BICD1: variants seen among roughly 807,000 people sequenced by gnomAD.
BICD1 encodes protein bicaudal D homolog 1.
A neutral mutation model predicts 92.5 loss-of-function variants in BICD1; 35 were observed. The ratio of observed to expected loss-of-function variants is 0.38; its 90% CI spans 0.29 to 0.50. The LOEUF is 0.50. BICD1 is among the 20% of genes least tolerant of loss of function. The pLI is 0.93. For missense variants in BICD1, 950 were observed against 1,189.8 expected, an observed-to-expected ratio of 0.80 and a Z score of 2.97; for synonymous variants, 429 against 465.1, an observed-to-expected ratio of 0.92 and a Z score of 1.00.
intron 5 of BICD1, among the ~76,000 whole-genome samples, chr12:32,333,457 A>G (rs1261169541): frequency 3.3e-5 from 5 of 152,198 alleles, no homozygotes; most frequent in Non-Finnish European, 7.3e-5. Flanking sequence ...ATTTCTATAG[A>G]TGTTGGCACT....
intron 3 of BICD1, among the ~76,000 whole-genome samples, chr12:32,303,449 G>A (rs1460559785): frequency 5.9e-5 from 9 of 152,138 alleles, no homozygotes; most frequent in Admixed American, 5.9e-4. Flanking sequence ...TTCTGACGGT[G>A]TATTTCTCAG....
intron 1 of BICD1, among the ~76,000 whole-genome samples, chr12:32,184,004 C>G (rs559819884): frequency 6.6e-6 from 1 of 152,180 alleles, no homozygotes; most frequent in South Asian, 2.1e-4. Flanking sequence ...CTCAGTAAAC[C>G]TTGTCTCATT....
chr12:32,229,518 G>T (rs1945805787), intron 2 of BICD1, among the ~76,000 whole-genome samples: 1 of 152,212 alleles, frequency 6.6e-6, no homozygotes, highest in African/African-American at 2.4e-5. Flanking sequence ...ATGATCAACA[G>T]TGCGGATGCT....
At chr12:32,136,558 G>A (rs551466344) in intron 1 of BICD1, among the ~76,000 whole-genome samples, 7 of 152,208 alleles carry the variant, frequency 4.6e-5, no homozygotes, top group South Asian at 2.1e-4. Context: ...AACCAGCCAG[G>A]TCCAGACATG....
chr12:32,163,957 C>T (rs1419418188), intron 1 of BICD1, among the ~76,000 whole-genome samples: 5 of 152,174 alleles, frequency 3.3e-5, no homozygotes, highest in African/African-American at 1.2e-4. Context: ...TAAAAACTAT[C>T]AAATTTCAAA....
intron 2 of BICD1, among the ~76,000 whole-genome samples, chr12:32,275,928 C>T (rs1947262902): frequency 6.6e-6 from 1 of 152,124 alleles, no homozygotes; most frequent in Non-Finnish European, 1.5e-5. Flanking sequence ...TCCTTGGAAT[C>T]CGTGAGGCCA....
intron 8 of BICD1, among the ~76,000 whole-genome samples, chr12:32,345,912 G>A (rs1218767505): frequency 6.6e-6 from 1 of 152,244 alleles, no homozygotes; most frequent in African/African-American, 2.4e-5. Flanking sequence ...CACTTTGGGA[G>A]GCCAAAATGA....
intron 1 of BICD1, among the ~76,000 whole-genome samples, chr12:32,119,875 C>CAAAACAA (rs934185180): frequency 3.3e-5 from 5 of 151,848 alleles, no homozygotes; most frequent in Admixed American, 6.6e-5. Context: ...TGTCTCAAAA[C>CAAAACAA]AAAACAAAAC....
chr12:32,330,346 T>A (rs1236608545), intron 5 of BICD1, among the ~76,000 whole-genome samples: 1 of 147,070 alleles, frequency 6.8e-6, no homozygotes, highest in Non-Finnish European at 1.5e-5. Context: ...ACACCACAAG[T>A]TCTCGCTCAT....
intron 1 of BICD1, among the ~76,000 whole-genome samples, chr12:32,113,709 A>G (rs1416662327): frequency 8.1e-6 from 1 of 123,004 alleles, no homozygotes; most frequent in Non-Finnish European, 1.7e-5. Context: ...ATGCTTGGGT[A>G]ATTTTTTTTT....
At chr12:32,107,584 C>T (rs1005362403) in intron 1 of BICD1, 40 bp downstream of exon 1, 2 of 1,535,790 alleles carry the variant, frequency 1.3e-6, no homozygotes, top group Admixed American at 2.0e-5. Context: ...GGCCCTCACT[C>T]CCCCCACCCG....
At chr12:32,149,771 A>C (rs1943232770) in intron 1 of BICD1, among the ~76,000 whole-genome samples, 1 of 152,222 alleles carries the variant, frequency 6.6e-6, no homozygotes, top group Non-Finnish European at 1.5e-5. Flanking sequence ...TCTGCTTCAC[A>C]GATGGTGCCT....
intron 8 of BICD1, among the ~76,000 whole-genome samples, chr12:32,348,719 CAA>C (rs1555171503): frequency 7.9e-4 from 55 of 69,754 alleles, no homozygotes; most frequent in Admixed American, 6.1e-3. Flanking sequence ...CTAGCTCACA[CAA>C]AAATATATAT....
chr12:32,126,625 T>C (rs1247998290), intron 1 of BICD1, among the ~76,000 whole-genome samples: 1 of 151,944 alleles, frequency 6.6e-6, no homozygotes, highest in African/African-American at 2.4e-5. Flanking sequence ...GGCATGGTGA[T>C]GCAAGCCTGT....
In BICD1 at chr12:32,383,447, C is replaced by T. The variant is rs1414843824; in HGVS notation, c.*5820C>T. On this transcript the variant is annotated 3_prime_UTR_variant, in exon 10 of 10. Transcript: ENST00000652176. ...GTGAATAATGTCTCATGGGAGAACACATGATATGTGCTTGTATTTGTGTAA... is the reference window on the plus strand; with the variant it reads ...GTGAATAATGTCTCATGGGAGAACATATGATATGTGCTTGTATTTGTGTAA... 6.6e-6 allele frequency: 1 copy of T among 152,142 alleles called. No homozygotes were observed. The highest frequency in any genetic ancestry group is 1.5e-5 in the Non-Finnish European group (1 of 68,006). 9.4% of individuals were successfully genotyped at this position (152,142 alleles called of 1,614,324 possible). A position where few individuals can be genotyped will look rare whatever the true frequency, so the allele number is the denominator to read the frequency against.
At chr12:32,119,799 A>G (rs58107768) in intron 1 of BICD1, among the ~76,000 whole-genome samples, 4,698 of 152,262 alleles carry the variant, frequency 0.031, 245 homozygotes, top group African/African-American at 0.11. Context: ...TGAACCCAGG[A>G]GGTGGAGGTT....
intron 2 of BICD1, among the ~76,000 whole-genome samples, chr12:32,242,590 A>G (rs992096258): frequency 6.6e-6 from 1 of 152,204 alleles, no homozygotes; most frequent in Non-Finnish European, 1.5e-5. Flanking sequence ...ATAATTTCTT[A>G]CAAGTTTATT....
chr12:32,335,298 C>T (rs1425180569), intron 6 of BICD1, among the ~76,000 whole-genome samples: 5 of 152,000 alleles, frequency 3.3e-5, no homozygotes, highest in African/African-American at 1.2e-4. Flanking sequence ...ATACAGGCAC[C>T]TGCCACCACG....
At chr12:32,336,888 G>GA (rs1477746936) in intron 6 of BICD1, among the ~76,000 whole-genome samples, 1 of 152,200 alleles carries the variant, frequency 6.6e-6, no homozygotes, top group African/African-American at 2.4e-5. Context: ...GAGGCAAGAA[G>GA]ATCACTTGAG....
Sources: gnomAD v4.1 joint callset for allele counts (sites outside exome capture counted in the v4.1 genomes callset) on GRCh38, gnomAD v4.1.1 for gene constraint, MANE v1.5 for transcripts, NCBI Gene and HGNC (gene_info 2026-07-23, HGNC 2026-07-21) for gene names.